Variants in CNTRL observed in about 807,000 individuals in gnomAD.
CNTRL encodes centriolin.
A neutral mutation model predicts 303.7 loss-of-function variants in CNTRL; 233 were observed. The ratio of observed to expected loss-of-function variants is 0.77; its 90% CI spans 0.69 to 0.86. The LOEUF is 0.86. CNTRL is among the 40% of genes least tolerant of loss of function. The pLI is 0.00. For synonymous variants in CNTRL, 900 were observed against 922.2 expected (o/e 0.98, Z 0.44); for missense variants, 2,524 against 2,650.6 (o/e 0.95, Z 1.05).
intron 8 of CNTRL, chr9:121,110,937 A>G (rs1244367432): frequency 6.6e-6 from 1 of 152,140 alleles, no homozygotes; most frequent in African/African-American, 2.4e-5. Context: ...TAAAAGTCAC[A>G]AAAGTACTTT....
At chr9:121,168,500 C>A (rs774634992) in intron 38 of CNTRL, among the ~76,000 whole-genome samples, 179 bp downstream of exon 38, 11 of 152,180 alleles carry the variant, frequency 7.2e-5, no homozygotes, top group Non-Finnish European at 1.3e-4. Context: ...AGAGGAGATA[C>A]AATCCTGAGA....
intron 39 of CNTRL, among the ~76,000 whole-genome samples, chr9:121,170,606 C>T (rs1414390417): frequency 6.6e-6 from 1 of 152,102 alleles, no homozygotes; most frequent in East Asian, 1.9e-4. Flanking sequence ...CAGGCGTGTG[C>T]CACCATGCCT....
intron 26 of CNTRL, 44 bp from the exon 27 acceptor site, chr9:121,154,677 T>C (rs766953134): frequency 1.7e-6 from 2 of 1,197,454 alleles, no homozygotes; most frequent in Non-Finnish European, 2.5e-6. Context: ...ATCTGTATTG[T>C]CTACATTTAA....
At chr9:121,139,518 A>G (rs2051386693) in intron 16 of CNTRL, among the ~76,000 whole-genome samples, 1 of 152,238 alleles carries the variant, frequency 6.6e-6, no homozygotes, top group Admixed American at 6.5e-5. Context: ...TGAAGTTTAA[A>G]GAAATCTAAT....
intron 35 of CNTRL, 51 bp downstream of exon 35, chr9:121,165,151 G>T: frequency 6.8e-7 from 1 of 1,480,940 alleles, no homozygotes; most frequent in Non-Finnish European, 9.0e-7. Flanking sequence ...CCCTTCGTTA[G>T]ATTCTTTGAT....
In CNTRL at chr9:121,171,451, C is replaced by T. The variant is rs138612095; in HGVS notation, c.6320C>T (p.Thr2107Ile). ...ENSCIQKEMATIELVAQDNHE... is the reference protein window; with the variant it reads ...ENSCIQKEMAIIELVAQDNHE... ...AGCTGCATACAAAAGGAAATGGCAACAATTGAACTGGTAGCCCAGGACAAC... is the reference window on the plus strand; with the variant it reads ...AGCTGCATACAAAAGGAAATGGCAATAATTGAACTGGTAGCCCAGGACAAC... The change falls in exon 40 of 44, where the codon ACA becomes ATA. Residue 2107 changes from threonine to isoleucine, a missense_variant. Physicochemically the swap from Thr to Ile is moderately conservative, Grantham distance 89. Coordinates refer to ENST00000373855, the MANE Select transcript of CNTRL (RefSeq NM_007018.6). The T allele has an allele frequency of 1.8e-4, 288 of 1,614,100 alleles. No homozygotes were observed. Among genetic ancestry groups the T allele is most frequent in the Admixed American group, 4.3e-4 (26 of 60,020 alleles).
At chr9:121,106,078 C>G (rs996149902) in intron 7 of CNTRL, among the ~76,000 whole-genome samples, 1 of 152,028 alleles carries the variant, frequency 6.6e-6, no homozygotes, top group African/African-American at 2.4e-5. Context: ...GCTGTTCACA[C>G]CTGTAATCCC....
chr9:121,096,382 A>T (rs1177733304), intron 5 of CNTRL, 40 bp from the exon 6 acceptor site: 2 of 1,356,708 alleles, frequency 1.5e-6, no homozygotes, highest in South Asian at 3.5e-5. Flanking sequence ...AGACTCTATA[A>T]TTGTACTCAC....
At chr9:121,097,568 T>C (rs2048941507) in intron 6 of CNTRL, among the ~76,000 whole-genome samples, 1 of 109,636 alleles carries the variant, frequency 9.1e-6, no homozygotes, top group African/African-American at 3.0e-5. Context: ...TGCTTTCTAA[T>C]TTCATCCTGT....
intron 14 of CNTRL, among the ~76,000 whole-genome samples, chr9:121,133,559 C>T (rs776851158): frequency 1.4e-4 from 22 of 152,184 alleles, no homozygotes; most frequent in Admixed American, 3.9e-4. Flanking sequence ...TGTGAATGTA[C>T]GGCTTCCCTT....
chr9:121,096,419 C>T lies in CNTRL; in HGVS notation c.480-3C>T, dbSNP rs1588087908. On this transcript the variant is annotated splice_polypyrimidine_tract_variant and splice_region_variant and intron_variant, in intron 5 of 43. Coordinates refer to ENST00000373855, the MANE Select transcript of CNTRL (RefSeq NM_007018.6). ...AAATTTTATTTTATCCTTTGCTTTC[C>T]AGCAAAATTGAAGGCATAGAAAATA... 6.6e-7 allele frequency: 1 copy of T among 1,508,550 alleles called. No homozygotes were observed. Among genetic ancestry groups the T allele is most frequent in the Non-Finnish European group, 8.9e-7 (1 of 1,123,742 alleles). The allele number at this position is 1,508,550 out of a possible 1,614,324, so 93.4% of individuals were successfully genotyped here.
chr9:121,112,226 A>C (rs983187844), intron 8 of CNTRL, among the ~76,000 whole-genome samples: 13 of 152,190 alleles, frequency 8.5e-5, no homozygotes, highest in African/African-American at 1.2e-4. Context: ...TTATATCGTG[A>C]AGCAGCAGAT....
chr9:121,145,203 G>A (rs2051770549), intron 21 of CNTRL, 41 bp from the exon 22 acceptor site: 1 of 1,578,576 alleles, frequency 6.3e-7, no homozygotes, highest in South Asian at 1.2e-5. Context: ...GGGAAAGAAT[G>A]AATTCATTGG....
At chr9:121,132,143 G>A (rs994812087) in intron 14 of CNTRL, among the ~76,000 whole-genome samples, 1 of 152,152 alleles carries the variant, frequency 6.6e-6, no homozygotes, top group South Asian at 2.1e-4. Context: ...TCTTTGTGGT[G>A]TTCTCTGTAT....
chr9:121,112,829 G>A (rs2049807888), intron 9 of CNTRL, among the ~76,000 whole-genome samples: 1 of 152,274 alleles, frequency 6.6e-6, no homozygotes, highest in Middle Eastern at 3.4e-3. Context: ...AAAAGCAGTC[G>A]TCTAACTCGC....
intron 30 of CNTRL, chr9:121,158,466 A>T (rs2052692666): frequency 4.4e-6 from 1 of 229,688 alleles, no homozygotes; most frequent in South Asian, 1.1e-4. Context: ...TTTTGTAAAC[A>T]AATACGTATT....
intron 8 of CNTRL, among the ~76,000 whole-genome samples, chr9:121,110,131 C>T (rs1013255352): frequency 1.3e-5 from 2 of 152,104 alleles, no homozygotes; most frequent in South Asian, 2.1e-4. Context: ...TGAAGTAAGT[C>T]TTCTGGTGGC....
intron 7 of CNTRL, among the ~76,000 whole-genome samples, chr9:121,105,769 GA>G (rs2049437468): frequency 6.6e-6 from 1 of 152,200 alleles, no homozygotes; most frequent in Non-Finnish European, 1.5e-5. Context: ...GGCAACAGGT[GA>G]TAATGATCTT....
chr9:121,121,214 T>C (rs895995301), intron 12 of CNTRL, among the ~76,000 whole-genome samples: 6 of 152,256 alleles, frequency 3.9e-5, no homozygotes, highest in Non-Finnish European at 7.3e-5. Flanking sequence ...GTGCCCACAA[T>C]GTGTCATACA....
Sources: gnomAD v4.1 joint callset for allele counts (sites outside exome capture counted in the v4.1 genomes callset) on GRCh38, gnomAD v4.1.1 for gene constraint, MANE v1.5 for transcripts, NCBI Gene and HGNC (gene_info 2026-07-23, HGNC 2026-07-21) for gene names.